Variants in TBC1D12 observed in about 807,000 individuals in gnomAD.
The protein encoded by TBC1D12 is TBC1 domain family member 12.
A neutral mutation model predicts 86.7 loss-of-function variants in TBC1D12; 56 were observed. That is an observed-to-expected ratio of 0.65 (90% CI 0.52 to 0.81). The LOEUF is 0.81. Among genes scored for constraint, TBC1D12 ranks in the 30% least tolerant of loss-of-function variants. The pLI is 0.00. For missense variants in TBC1D12, 1,023 were observed against 1,038.8 expected, an observed-to-expected ratio of 0.98 and a Z score of 0.21; for synonymous variants, 421 against 411.7, an observed-to-expected ratio of 1.02 and a Z score of -0.27.
intron 3 of TBC1D12, among the ~76,000 whole-genome samples, chr10:94,492,181 C>T (rs963031932): frequency 6.6e-6 from 1 of 152,048 alleles, no homozygotes; most frequent in Admixed American, 6.6e-5. Context: ...TAAACTTTAT[C>T]ATAGTTATGT....
chr10:94,470,073 G>C (rs2055881932), intron 2 of TBC1D12, among the ~76,000 whole-genome samples: 1 of 152,162 alleles, frequency 6.6e-6, no homozygotes. Context: ...TAGGAATGTA[G>C]ATGAAAATCA....
At chr10:94,405,973 G>T (rs551926498) in intron 1 of TBC1D12, among the ~76,000 whole-genome samples, 4 of 151,924 alleles carry the variant, frequency 2.6e-5, no homozygotes, top group Non-Finnish European at 5.9e-5. Flanking sequence ...ACCACGCCTG[G>T]CTAATTTTTG....
chr10:94,417,046 A>C (rs143404004), intron 1 of TBC1D12, among the ~76,000 whole-genome samples: 1,723 of 152,290 alleles, frequency 0.011, 20 homozygotes, highest in Non-Finnish European at 0.015. Flanking sequence ...GAACTGATTC[A>C]GTGAGAGGTG....
chr10:94,501,356 C>T lies in TBC1D12; in HGVS notation c.1519+1029C>T, dbSNP rs1037086651. 10 of 150,506 alleles carry T rather than the reference C, an allele frequency of 6.6e-5. No individual in the cohort carries two copies. The South Asian group carries it at 1.5e-3, about 22-fold the overall frequency. The allele number at this position is 150,506 out of a possible 1,614,324, so 9.3% of individuals were successfully genotyped here. A position where few individuals can be genotyped will look rare whatever the true frequency, so the allele number is the denominator to read the frequency against. Reference sequence around the variant, plus strand: ...CTGAGGCAGGAGAATTGCTTGAACCCGGGAGGCAGAGGTTGCGGTGAGCTG... The same window carrying T: ...CTGAGGCAGGAGAATTGCTTGAACCTGGGAGGCAGAGGTTGCGGTGAGCTG... On this transcript the variant is annotated intron_variant, in intron 6 of 12. Transcript: ENST00000225235.
chr10:94,519,303 A>T (rs555751407), intron 9 of TBC1D12, among the ~76,000 whole-genome samples: 1 of 152,314 alleles, frequency 6.6e-6, no homozygotes, highest in South Asian at 2.1e-4. Context: ...TTGTGGTACT[A>T]AGAATACAAC....
Position 94,458,904 on chromosome 10 carries a change from G to A in TBC1D12, c.1096-15764G>A, listed in dbSNP as rs563135442. On this transcript the variant is annotated intron_variant, in intron 2 of 12. Transcript: ENST00000225235. The stretch of plus-strand genomic sequence containing the variant: ...GAGTGTTACAGCTCATAAAGGCAGC[G>A]CAGACCCAAAGAATGAGCAGCAGCA... 6.6e-5 allele frequency among the ~76,000 whole-genome samples: 10 copies of A among 152,248 alleles called. No homozygotes were observed. In the East Asian group the frequency reaches 9.6e-4, roughly 15 times the overall value.
At chr10:94,457,418 TTTTG>T (rs2055644686) in intron 2 of TBC1D12, among the ~76,000 whole-genome samples, 1 of 152,168 alleles carries the variant, frequency 6.6e-6, no homozygotes, top group Non-Finnish European at 1.5e-5. Flanking sequence ...TGTTTGTTTG[TTTTG>T]TTTTATTTTT....
intron 3 of TBC1D12, among the ~76,000 whole-genome samples, chr10:94,482,577 A>C (rs2056093373): frequency 1.3e-5 from 2 of 151,610 alleles, no homozygotes; most frequent in South Asian, 2.1e-4. Context: ...CAGCCTCCCG[A>C]GTAGCTGGGA....
At position 94,474,929 on chromosome 10, in the gene TBC1D12, T is replaced by A. The variant is rs904112496; in HGVS notation, c.1211+146T>A. 7.9e-6 allele frequency: 6 copies of A among 760,818 alleles called. No homozygotes were observed. The African/African-American group carries it at 8.8e-5, about 11-fold the overall frequency. The allele number at this position is 760,818 out of a possible 1,614,324, so 47.1% of individuals were successfully genotyped here. On this transcript the variant is annotated intron_variant, in intron 3 of 12. Coordinates refer to ENST00000225235, the MANE Select transcript of TBC1D12 (RefSeq NM_015188.2). ...TAATCCCTGTTGTCTATCCTAAAAC[T>A]ATTTGGGGAGAATATATTTTTCTTG...
intron 2 of TBC1D12, among the ~76,000 whole-genome samples, chr10:94,456,770 T>C (rs1051666889): frequency 6.6e-6 from 1 of 152,194 alleles, no homozygotes; most frequent in African/African-American, 2.4e-5. Flanking sequence ...GGCATTAAAG[T>C]TTTCCAGTGT....
intron 1 of TBC1D12, among the ~76,000 whole-genome samples, chr10:94,423,053 TCACGCCAGTG>T (rs2055096377): frequency 6.6e-6 from 1 of 152,092 alleles, no homozygotes; most frequent in African/African-American, 2.4e-5. Flanking sequence ...TGAGCCATGA[TCACGCCAGTG>T]CACTCTAGCC....
chr10:94,470,288 T>A lies in TBC1D12; in HGVS notation c.1096-4380T>A, dbSNP rs545997157. ...AACCTGTTTGAGTTGGGTTTTCTGT[T>A]ATATATAATCAAAAACATCTTAATA... is the stretch of plus-strand genomic sequence containing the variant. On this transcript the variant is annotated intron_variant, in intron 2 of 12. Transcript: ENST00000225235. Among the ~76,000 whole-genome samples, 3 of 152,312 alleles carry A rather than the reference T, an allele frequency of 2.0e-5. No homozygotes were observed. The East Asian group carries it at 5.8e-4, about 29-fold the overall frequency.
intron 1 of TBC1D12, among the ~76,000 whole-genome samples, chr10:94,437,107 C>T (rs765175805): frequency 6.6e-5 from 10 of 151,906 alleles, no homozygotes; most frequent in Non-Finnish European, 1.3e-4. Context: ...TTACTTCTGG[C>T]CTCCATGGTT....
chr10:94,404,007 C>G lies in TBC1D12; in HGVS notation c.971+423C>G, dbSNP rs114833762. ...TTGTTGGGGGGGTGGTGAGGGGAGG[C>G]GGTATGTGTGTACGGGTGTGGTTGT... On this transcript the variant is annotated intron_variant, in intron 1 of 12. Coordinates refer to ENST00000225235, the MANE Select transcript of TBC1D12 (RefSeq NM_015188.2). Among the ~76,000 whole-genome samples the G allele has an allele frequency of 4.6e-3, 699 of 151,954 alleles. 6 individuals carry two copies. The highest frequency in any genetic ancestry group is 0.016 in the African/African-American group (671 of 41,396).
intron 10 of TBC1D12, 76 bp downstream of exon 10, chr10:94,522,159 C>A: frequency 6.7e-7 from 1 of 1,490,786 alleles, no homozygotes; most frequent in South Asian, 1.3e-5. Context: ...AATTAGAAGG[C>A]CAAAACAATC....
chr10:94,460,570 G>GTT (rs879520030), intron 2 of TBC1D12, among the ~76,000 whole-genome samples: 23 of 140,466 alleles, frequency 1.6e-4, no homozygotes, highest in Admixed American at 1.1e-3. Context: ...GCTAGAAGTA[G>GTT]TTTTTTTTTT....
At position 94,510,079 on chromosome 10, in the gene TBC1D12, T is replaced by C. The variant is rs1394967104; in HGVS notation, c.1601-12T>C. 6.3e-7 allele frequency: 1 copy of C among 1,598,124 alleles called. No individual in the cohort carries two copies. Among genetic ancestry groups the C allele is most frequent in the Non-Finnish European group, 8.5e-7 (1 of 1,171,734 alleles). ...AGTGATCATTTAAATTGTATCTGCT[T>C]GGTAAATGCAGGTGTATCTGTTGCT... On this transcript the variant is annotated splice_polypyrimidine_tract_variant and intron_variant, in intron 7 of 12. Transcript: ENST00000225235.
intron 12 of TBC1D12, 68 bp from the exon 13 acceptor site, chr10:94,532,960 G>C (rs981883834): frequency 1.1e-6 from 1 of 876,582 alleles, no homozygotes; most frequent in East Asian, 2.8e-5. Flanking sequence ...ATGAACTATA[G>C]TTATTTAAAT....
chr10:94,528,164 G>A (rs545061333), intron 11 of TBC1D12, among the ~76,000 whole-genome samples: 3 of 151,846 alleles, frequency 2.0e-5, no homozygotes, highest in Non-Finnish European at 2.9e-5. Flanking sequence ...AGATTATATT[G>A]GGTAGTATTG....
Sources: gnomAD v4.1 joint callset for allele counts (sites outside exome capture counted in the v4.1 genomes callset) on GRCh38, gnomAD v4.1.1 for gene constraint, MANE v1.5 for transcripts, NCBI Gene and HGNC (gene_info 2026-07-23, HGNC 2026-07-21) for gene names.